Variants in APP observed in about 807,000 individuals in gnomAD.
APP encodes the protein amyloid beta precursor protein, also known as amyloid-beta precursor protein.
In APP, 31 loss-of-function variants were observed where a neutral mutation model predicts 101.4. The observed-to-expected ratio is 0.31, with a 90% CI of 0.23 to 0.41. The LOEUF is 0.41. APP is among the 10% of genes least tolerant of loss of function. The pLI, the probability that APP is intolerant of heterozygous loss-of-function variation, is 1.00. For missense variants in APP, 839 were observed against 1,003.7 expected (o/e 0.84, Z 2.22); for synonymous variants, 366 against 364.4 (o/e 1.00, Z -0.05).
At chr21:26,031,865 T>C (rs1320134729) in intron 5 of APP, among the ~76,000 whole-genome samples, 1 of 152,106 alleles carries the variant, frequency 6.6e-6, no homozygotes, top group Non-Finnish European at 1.5e-5. Context: ...CTGCCCCAGA[T>C]TCGTAAGTGG....
chr21:25,938,632 G>C lies in APP; in HGVS notation c.1687+15958C>G, dbSNP rs1224395147. ...GCCCAAGAATCTGTATTTTTAACTA[G>C]AATTCCTCTAAATTACTGTGCTTCA... is the stretch of plus-strand genomic sequence containing the variant. On this transcript the variant is annotated intron_variant, in intron 13 of 17. Coordinates refer to ENST00000346798, the MANE Select transcript of APP (RefSeq NM_000484.4). 7.2e-5 allele frequency among the ~76,000 whole-genome samples: 11 copies of C among 152,248 alleles called. No homozygotes were observed. The East Asian group carries it at 1.9e-3, about 27-fold the overall frequency.
chr21:26,057,164 T>C (rs1275352964), intron 3 of APP, among the ~76,000 whole-genome samples: 1 of 152,240 alleles, frequency 6.6e-6, no homozygotes, highest in African/African-American at 2.4e-5. Flanking sequence ...TATGATCGTA[T>C]ATACCTGGAG....
At chr21:26,067,278 G>C (rs955250250) in intron 3 of APP, among the ~76,000 whole-genome samples, 1 of 152,030 alleles carries the variant, frequency 6.6e-6, no homozygotes, top group Non-Finnish European at 1.5e-5. Context: ...TTTTCTCCCA[G>C]ACTAACTTTT....
At position 25,982,481 on chromosome 21, in the gene APP, T is replaced by C. The variant is rs769867524; in HGVS notation, c.1091-4A>G. On this transcript the variant is annotated splice_polypyrimidine_tract_variant and splice_region_variant and intron_variant, in intron 8 of 17. Transcript: ENST00000346798. Reference sequence around the variant, plus strand: ...GTACTGGCTGCTGTTGTAGGAACTATAAAGTAGAAGAGAAGGAGGTTTGAG... The same window carrying C: ...GTACTGGCTGCTGTTGTAGGAACTACAAAGTAGAAGAGAAGGAGGTTTGAG... The C allele has an allele frequency of 8.7e-6, 14 of 1,613,538 alleles. No individual in the cohort carries two copies. The East Asian group carries it at 8.9e-5, about 10-fold the overall frequency.
intron 3 of APP, among the ~76,000 whole-genome samples, chr21:26,082,010 G>A (rs2061608312): frequency 6.6e-6 from 1 of 152,172 alleles, no homozygotes. Flanking sequence ...CTGAGGTCAG[G>A]AGTTTGAGAC....
intron 14 of APP, among the ~76,000 whole-genome samples, chr21:25,906,368 C>G (rs2038789353): frequency 6.0e-3 from 1 of 168 alleles, no homozygotes; most frequent in African/African-American, 0.026. Flanking sequence ...ATGTCTGTGG[C>G]CTTGGGATGC....
intron 8 of APP, among the ~76,000 whole-genome samples, chr21:25,989,180 A>G (rs920953122): frequency 1.3e-5 from 2 of 152,212 alleles, no homozygotes; most frequent in African/African-American, 2.4e-5. Context: ...AAAACAGGGG[A>G]AAACCTGCTA....
chr21:26,059,047 C>T (rs1012426471), intron 3 of APP, among the ~76,000 whole-genome samples: 1 of 151,320 alleles, frequency 6.6e-6, no homozygotes, highest in Non-Finnish European at 1.5e-5. Context: ...CGCCACTGCA[C>T]TCCAGCCTGG....
intron 15 of APP, among the ~76,000 whole-genome samples, chr21:25,901,217 T>G (rs9979322): frequency 1 from 150,472 of 150,474 alleles, 75,235 homozygotes; most frequent in Middle Eastern, 1. Context: ...AGGATAGCTT[T>G]AGCCCAGGAA....
intron 1 of APP, among the ~76,000 whole-genome samples, chr21:26,164,986 G>A (rs1250331702): frequency 6.6e-6 from 1 of 150,962 alleles, no homozygotes; most frequent in East Asian, 1.9e-4. Flanking sequence ...ATTTTTCAAT[G>A]AGCATGAATT....
intron 1 of APP, among the ~76,000 whole-genome samples, chr21:26,165,534 C>T (rs769619091): frequency 9.2e-5 from 14 of 152,194 alleles, no homozygotes; most frequent in African/African-American, 2.2e-4. Context: ...TCTCTACATA[C>T]CTGAGAAACA....
chr21:26,102,886 T>A (rs573569747), intron 2 of APP, among the ~76,000 whole-genome samples: 215 of 85,060 alleles, frequency 2.5e-3, no homozygotes, highest in African/African-American at 0.01. Context: ...TGGGACTCTG[T>A]CTCAAAAAAA....
intron 13 of APP, among the ~76,000 whole-genome samples, chr21:25,937,003 G>A (rs989360473): frequency 1.3e-5 from 2 of 152,086 alleles, no homozygotes; most frequent in African/African-American, 2.4e-5. Context: ...TATTTCAGAT[G>A]TGACTCAGTT....
chr21:26,088,718 A>G (rs889171556), intron 3 of APP, among the ~76,000 whole-genome samples: 14 of 152,220 alleles, frequency 9.2e-5, no homozygotes, highest in African/African-American at 3.4e-4. Context: ...TCATCTAATT[A>G]AACTGCACTT....
intron 11 of APP, among the ~76,000 whole-genome samples, chr21:25,969,443 T>C (rs2041926655): frequency 6.6e-6 from 1 of 150,964 alleles, no homozygotes; most frequent in Admixed American, 6.6e-5. Flanking sequence ...CATACAACAT[T>C]AAAACTTAAA....
intron 14 of APP, among the ~76,000 whole-genome samples, chr21:25,909,468 T>C (rs1011655094): frequency 6.6e-6 from 1 of 152,166 alleles, no homozygotes; most frequent in African/African-American, 2.4e-5. Flanking sequence ...TATCAGCTCT[T>C]TTCATGAGAC....
At chr21:26,040,337 T>C (rs2045316374) in intron 5 of APP, among the ~76,000 whole-genome samples, 1 of 152,114 alleles carries the variant, frequency 6.6e-6, no homozygotes, top group African/African-American at 2.4e-5. Flanking sequence ...CATGGTAGCT[T>C]ATGCCTGTAA....
At chr21:26,125,963 C>T (rs982885143) in intron 1 of APP, among the ~76,000 whole-genome samples, 10 of 152,202 alleles carry the variant, frequency 6.6e-5, no homozygotes, top group African/African-American at 1.9e-4. Context: ...TTACCCCCGA[C>T]GGATGTCTTT....
chr21:25,948,695 T>C (rs1402898793), intron 13 of APP, among the ~76,000 whole-genome samples: 3 of 152,226 alleles, frequency 2.0e-5, no homozygotes, highest in African/African-American at 4.8e-5. Context: ...AAGAGCTACA[T>C]TTTTAGCCTT....
Sources: gnomAD v4.1 joint callset for allele counts (sites outside exome capture counted in the v4.1 genomes callset) on GRCh38, gnomAD v4.1.1 for gene constraint, MANE v1.5 for transcripts, NCBI Gene and HGNC (gene_info 2026-07-23, HGNC 2026-07-21) for gene names.